The following MDGA2 variants were observed in gnomAD, a reference collection of about 807,000 sequenced individuals.
MDGA2 encodes the protein MAM domain containing glycosylphosphatidylinositol anchor 2.
In MDGA2, 40 loss-of-function variants were observed where a neutral mutation model predicts 117.8. The ratio of observed to expected loss-of-function variants is 0.34; its 90% CI spans 0.26 to 0.44. The LOEUF (loss-of-function observed/expected upper bound fraction) is 0.44. MDGA2 is among the 20% of genes least tolerant of loss of function. MDGA2 has a pLI of 1.00. For synonymous variants in MDGA2, 452 were observed against 439.0 expected, an observed-to-expected ratio of 1.03 and a Z score of -0.37; for missense variants, 1,123 against 1,250.6, an observed-to-expected ratio of 0.90 and a Z score of 1.54.
chr14:47,259,446 C>T (rs1180760432), intron 2 of MDGA2, among the ~76,000 whole-genome samples: 1 of 151,972 alleles, frequency 6.6e-6, no homozygotes, highest in Non-Finnish European at 1.5e-5. Flanking sequence ...TTGAGAAATG[C>T]TACTTTTGCT....
intron 1 of MDGA2, among the ~76,000 whole-genome samples, chr14:47,374,165 A>G (rs893259004): frequency 6.6e-5 from 10 of 152,128 alleles, no homozygotes; most frequent in African/African-American, 2.4e-4. Context: ...TGTTATGACT[A>G]TGTAGTTTAA....
chr14:47,402,406 C>T (rs1427681559), intron 1 of MDGA2, among the ~76,000 whole-genome samples: 1 of 131,830 alleles, frequency 7.6e-6, no homozygotes, highest in African/African-American at 3.0e-5. Flanking sequence ...AGCCATGATT[C>T]TCTAACAGAG....
At chr14:47,205,373 T>C (rs1885647900) in intron 3 of MDGA2, among the ~76,000 whole-genome samples, 1 of 152,016 alleles carries the variant, frequency 6.6e-6, no homozygotes, top group African/African-American at 2.4e-5. Context: ...TAATTTATTA[T>C]TGGGTAGATA....
At chr14:47,320,515 C>T (rs1003759165) in intron 1 of MDGA2, among the ~76,000 whole-genome samples, 3 of 152,048 alleles carry the variant, frequency 2.0e-5, no homozygotes, top group Non-Finnish European at 4.4e-5. Flanking sequence ...CCTATCCTTC[C>T]TTCCTTCATG....
intron 9 of MDGA2, 22 bp from the exon 10 acceptor site, chr14:46,920,182 A>C (rs751645683): frequency 6.2e-7 from 1 of 1,602,392 alleles, no homozygotes; most frequent in Admixed American, 1.7e-5. Flanking sequence ...AAGTGTGCTT[A>C]AATTTGAATG....
At position 47,059,014 on chromosome 14, in the gene MDGA2, C is replaced by T. The variant is rs975075952; in HGVS notation, c.1525+2235G>A. The T allele has an allele frequency of 1.3e-5, 13 of 1,001,018 alleles. No individual in the cohort carries two copies. In the East Asian group the frequency reaches 1.3e-3, roughly 100 times the overall value. The allele number at this position is 1,001,018 out of a possible 1,614,324, so 62.0% of individuals were successfully genotyped here. On this transcript the variant is annotated intron_variant, in intron 7 of 16. Coordinates refer to ENST00000399232, the MANE Select transcript of MDGA2 (RefSeq NM_001113498.3). ...GCTCCTGTCTTTGGGAGTGATAAAA[C>T]ATTAAGTCACTATAAATTTGTCTAT...
At chr14:47,378,397 A>C (rs1891530201) in intron 1 of MDGA2, among the ~76,000 whole-genome samples, 1 of 152,210 alleles carries the variant, frequency 6.6e-6, no homozygotes. Context: ...GCTTCAGACG[A>C]TCGGTAATAA....
chr14:47,664,198 G>A (rs745472695), intron 1 of MDGA2, among the ~76,000 whole-genome samples: 40 of 152,048 alleles, frequency 2.6e-4, no homozygotes, highest in Non-Finnish European at 4.4e-4. Context: ...GCATTTTCAT[G>A]CACATATTTA....
intron 1 of MDGA2, among the ~76,000 whole-genome samples, chr14:47,553,254 G>T (rs1895619835): frequency 6.6e-6 from 1 of 152,190 alleles, no homozygotes; most frequent in African/African-American, 2.4e-5. Context: ...AAAGAATTTT[G>T]TGTACTTTTT....
chr14:47,487,733 T>A (rs989216613), intron 1 of MDGA2, among the ~76,000 whole-genome samples: 10 of 152,202 alleles, frequency 6.6e-5, no homozygotes, highest in Non-Finnish European at 1.5e-4. Context: ...CATACATAGA[T>A]AATGCATAAT....
intron 14 of MDGA2, among the ~76,000 whole-genome samples, chr14:46,864,005 G>A (rs1333158971): frequency 1.3e-5 from 2 of 151,872 alleles, no homozygotes; most frequent in African/African-American, 2.4e-5. Context: ...ATGCTGGTGC[G>A]CTGCACCCAC....
At chr14:46,885,339 T>C (rs895000663) in intron 10 of MDGA2, among the ~76,000 whole-genome samples, 1 of 152,158 alleles carries the variant, frequency 6.6e-6, no homozygotes, top group South Asian at 2.1e-4. Flanking sequence ...CATGTTAATA[T>C]ACACAATTAA....
chr14:47,352,186 C>T (rs1212864598), intron 1 of MDGA2, among the ~76,000 whole-genome samples: 13 of 152,162 alleles, frequency 8.5e-5, no homozygotes, highest in Non-Finnish European at 1.6e-4. Flanking sequence ...CTTACCTGGG[C>T]TGTACTGCTG....
At chr14:46,851,206 A>G (rs1296576891) in intron 15 of MDGA2, among the ~76,000 whole-genome samples, 1 of 151,850 alleles carries the variant, frequency 6.6e-6, no homozygotes, top group Non-Finnish European at 1.5e-5. Context: ...TAAACTAAGA[A>G]AACGTAAAGA....
At chr14:47,416,227 CA>C (rs1892472562) in intron 1 of MDGA2, among the ~76,000 whole-genome samples, 1 of 152,142 alleles carries the variant, frequency 6.6e-6, no homozygotes, top group East Asian at 1.9e-4. Context: ...TGTGTGAAAT[CA>C]AACATGTTAT....
chr14:47,474,852 A>G (rs1893803510), intron 1 of MDGA2, among the ~76,000 whole-genome samples: 1 of 152,208 alleles, frequency 6.6e-6, no homozygotes, highest in South Asian at 2.1e-4. Flanking sequence ...TTAAAGACTT[A>G]AATGTAAAAC....
chr14:47,067,412 T>C (rs1339210212), intron 6 of MDGA2, among the ~76,000 whole-genome samples: 2 of 152,206 alleles, frequency 1.3e-5, no homozygotes, highest in African/African-American at 2.4e-5. Flanking sequence ...ATTTCCCTTA[T>C]GAGCATCACG....
At chr14:46,850,709 T>C (rs1165980701) in intron 15 of MDGA2, among the ~76,000 whole-genome samples, 2 of 151,952 alleles carry the variant, frequency 1.3e-5, no homozygotes, top group Non-Finnish European at 2.9e-5. Context: ...CCTTGGCTTT[T>C]TCCCTGGGGA....
In MDGA2 at chr14:47,202,836, G is replaced by T. The variant is rs918499545; in HGVS notation, c.595+15185C>A. Among the ~76,000 whole-genome samples the T allele has an allele frequency of 2.7e-5, 4 of 149,274 alleles. 1 individual carries two copies. Among genetic ancestry groups the T allele is most frequent in the Non-Finnish European group, 6.1e-5 (4 of 65,932 alleles). On this transcript the variant is annotated intron_variant, in intron 3 of 16. Transcript: ENST00000399232. ...TCTAATGACCTTAATGCCCAAGTTAGTAGCACATAATACTGAATACATACT... is the reference window on the plus strand; with the variant it reads ...TCTAATGACCTTAATGCCCAAGTTATTAGCACATAATACTGAATACATACT...
Sources: gnomAD v4.1 joint callset for allele counts (sites outside exome capture counted in the v4.1 genomes callset) on GRCh38, gnomAD v4.1.1 for gene constraint, MANE v1.5 for transcripts, NCBI Gene and HGNC (gene_info 2026-07-23, HGNC 2026-07-21) for gene names.